Variants in CHRNE observed in about 807,000 individuals in gnomAD.
CHRNE encodes cholinergic receptor nicotinic epsilon subunit, also known as acetylcholine receptor subunit epsilon.
In CHRNE, 58 loss-of-function variants were observed where a neutral mutation model predicts 56.5. The observed-to-expected ratio is 1.03, with a 90% CI of 0.83 to 1.28. The LOEUF is 1.28. Among genes scored for constraint, CHRNE ranks in the 50% most tolerant of loss-of-function variants. The probability of loss-of-function intolerance (pLI) is 0.00; values close to 1 mark genes in which losing one functional copy is unlikely to be tolerated. For missense variants in CHRNE, 793 were observed against 688.9 expected (o/e 1.15, Z -1.69); for synonymous variants, 385 against 297.9 (o/e 1.29, Z -3.01).
Position 4,902,006 on chromosome 17 carries a change from G to T in CHRNE, c.426C>A (p.Ala142=). 3.1e-6 allele frequency: 5 copies of T among 1,614,096 alleles called. No individual in the cohort carries two copies. The highest frequency in any genetic ancestry group is 4.2e-6 in the Non-Finnish European group (5 of 1,180,024). Residue 142 remains alanine, a synonymous_variant, in exon 5 of 12, where the codon GCC becomes GCA. Transcript: ENST00000649488. The surrounding 1 kb of genome is among the most constrained non-coding windows in gnomAD (Gnocchi z 4.0). ...CCACTGCGCAGACGCTGCGGTAGAT[G>T]GCCGGAGGCAGCCACGTCACGGAGC... The part of the protein sequence containing the change: ...EGGSVTWLPP[A]IYRSVCAVEV...
chr17:4,898,699 C>T lies in CHRNE; in HGVS notation c.*37G>A, dbSNP rs2229199. 12,862 of 1,595,984 alleles carry T rather than the reference C, an allele frequency of 8.1e-3. 458 individuals carry two copies. The African/African-American group carries it at 0.11, about 13-fold the overall frequency. On this transcript the variant is annotated 3_prime_UTR_variant, in exon 12 of 12. Coordinates refer to ENST00000649488, the MANE Select transcript of CHRNE (RefSeq NM_000080.4). ...AGCCTACTTTTTCAAAATCAATTTCCTACTGGAGATGGGTGGGAAATTGAA... is the reference window on the plus strand; with the variant it reads ...AGCCTACTTTTTCAAAATCAATTTCTTACTGGAGATGGGTGGGAAATTGAA...
intron 5 of CHRNE, 48 bp downstream of exon 5, chr17:4,901,884 G>GT: frequency 2.0e-6 from 3 of 1,526,282 alleles, no homozygotes; most frequent in South Asian, 1.1e-5. Context: ...GCCCCATAAG[G>GT]CCCCCCCCCA....
rs770930061 is a variant in CHRNE, at chr17:4,902,587, T to C, written c.189+34A>G. 6.2e-7 allele frequency: 1 copy of C among 1,613,930 alleles called. No homozygotes were observed. Among genetic ancestry groups the C allele is most frequent in the Non-Finnish European group, 8.5e-7 (1 of 1,179,964 alleles). On this transcript the variant is annotated intron_variant, in intron 2 of 11. Transcript: ENST00000649488. The surrounding 1 kb of genome is among the most constrained non-coding windows in gnomAD (Gnocchi z 4.0). ...TCAGCGGTTGGGGCCAGAAGTGGGA[T>C]TTTTGGCTTAAGATGAGGGTGGGGG... is the stretch of plus-strand genomic sequence containing the variant.
At chr17:4,907,360 A>G (rs527637096), upstream of CHRNE, among the ~76,000 whole-genome samples, 13 of 151,064 alleles carry the variant, frequency 8.6e-5, no homozygotes, top group East Asian at 1.2e-3. Context: ...TCAGGAGATC[A>G]AGACCATCCT....
intron 8 of CHRNE, chr17:4,900,412 C>T (rs1463846171): frequency 1.9e-6 from 3 of 1,550,890 alleles, no homozygotes; most frequent in Non-Finnish European, 2.6e-6. Context: ...GTCCAGGGAG[C>T]ATGGCTATGC....
At position 4,899,123 on chromosome 17, in the gene CHRNE, C is replaced by T; in HGVS notation, c.1220-16G>A. 3 of 1,603,486 alleles carry T rather than the reference C, an allele frequency of 1.9e-6. No individual in the cohort carries two copies. The highest frequency in any genetic ancestry group is 1.7e-6 in the Non-Finnish European group (2 of 1,176,832). Reference sequence around the variant, plus strand: ...CAGAAGGCAGCTGGCGGGGAAAACACCGGGGTGGGCCTTAGGAGCCTCCCC... The same window carrying T: ...CAGAAGGCAGCTGGCGGGGAAAACATCGGGGTGGGCCTTAGGAGCCTCCCC... On this transcript the variant is annotated splice_polypyrimidine_tract_variant and intron_variant, in intron 10 of 11. Transcript: ENST00000649488.
upstream of CHRNE, among the ~76,000 whole-genome samples, chr17:4,904,180 T>A (rs1311211315): frequency 2.0e-5 from 3 of 151,862 alleles, no homozygotes; most frequent in Admixed American, 2.0e-4. Context: ...TTTTTCTGTT[T>A]CTTTTTTTGT....
chr17:4,900,672 C>T, intron 8 of CHRNE, 121 bp downstream of exon 8: 1 of 1,447,944 alleles, frequency 6.9e-7, no homozygotes, highest in East Asian at 2.5e-5. Flanking sequence ...CAGCCCCACC[C>T]AGCGTCCGAA....
intron 5 of CHRNE, 126 bp downstream of exon 5, chr17:4,901,806 G>T: frequency 7.0e-7 from 1 of 1,425,398 alleles, no homozygotes; most frequent in Non-Finnish European, 9.8e-7. Context: ...GTCCCACCCA[G>T]TGCCTACGCC....
rs771720016 is a variant in CHRNE, at chr17:4,902,146, C to A, written c.345-59G>T. 1.1e-5 allele frequency: 18 copies of A among 1,613,934 alleles called. No homozygotes were observed. Among genetic ancestry groups the A allele is most frequent in the Non-Finnish European group, 1.5e-5 (18 of 1,179,888 alleles). Reference sequence around the variant, plus strand: ...GGTCTGCACCCTCTCAGAGTACCCCCTTCCCCAACCAAGTCCAGCCCGCAC... The same window carrying A: ...GGTCTGCACCCTCTCAGAGTACCCCATTCCCCAACCAAGTCCAGCCCGCAC... On this transcript the variant is annotated intron_variant, in intron 4 of 11. Coordinates refer to ENST00000649488, the MANE Select transcript of CHRNE (RefSeq NM_000080.4). The surrounding 1 kb of genome is among the most constrained non-coding windows in gnomAD (Gnocchi z 4.0).
upstream of CHRNE, among the ~76,000 whole-genome samples, chr17:4,907,588 A>AAACAAAAAC (rs1970107743): frequency 6.6e-6 from 1 of 151,144 alleles, no homozygotes; most frequent in African/African-American, 2.4e-5. Flanking sequence ...AAAAAAAAAA[A>AAACAAAAAC]AACACTCTCA....
At position 4,902,059 on chromosome 17, in the gene CHRNE, C is replaced by T. The variant is rs1056080125; in HGVS notation, c.373G>A (p.Asp125Asn). 19 of 1,613,968 alleles carry T rather than the reference C, an allele frequency of 1.2e-5. No homozygotes were observed. The highest frequency in any genetic ancestry group is 1.6e-5 in the Non-Finnish European group (19 of 1,180,048). Reference sequence around the variant, plus strand: ...CCCTCGTAGACGAGCACGTTGGCGTCGTAGGCCACTCCGAACTGGCCATCA... The same window carrying T: ...CCCTCGTAGACGAGCACGTTGGCGTTGTAGGCCACTCCGAACTGGCCATCA... ...NIDGQFGVAY[D>N]ANVLVYEGGS... is the part of the protein sequence containing the mutation. The change falls in exon 5 of 12, where the codon GAC (aspartate) becomes AAC (asparagine). Residue 125 changes from aspartate to asparagine, a missense_variant. Asp to Asn is a conservative substitution (Grantham distance 23). Transcript: ENST00000649488. This position sits in a 1 kb window ranked among gnomAD's most constrained non-coding sequence, Gnocchi z 4.0.
chr17:4,898,633 T>C lies in CHRNE; in HGVS notation c.*103A>G. On this transcript the variant is annotated 3_prime_UTR_variant, in exon 12 of 12. Transcript: ENST00000649488. ...CTTGTGAAGTTCACAAACTGCAGATTGATCAGCAGGGGGAAGGGATCATAA... is the reference window on the plus strand; with the variant it reads ...CTTGTGAAGTTCACAAACTGCAGATCGATCAGCAGGGGGAAGGGATCATAA... The C allele has an allele frequency of 6.9e-7, 1 of 1,444,190 alleles. No individual in the cohort carries two copies. Among genetic ancestry groups the C allele is most frequent in the Non-Finnish European group, 9.4e-7 (1 of 1,060,538 alleles). The allele number at this position is 1,444,190 out of a possible 1,614,324, so 89.5% of individuals were successfully genotyped here. A position where few individuals can be genotyped will look rare whatever the true frequency, so the allele number is the denominator to read the frequency against.
rs150133823 is a variant in CHRNE, at chr17:4,901,066, G to A, written c.726C>T (p.Phe242=). 2.3e-5 allele frequency: 37 copies of A among 1,613,928 alleles called. No homozygotes were observed. Among genetic ancestry groups the A allele is most frequent in the Non-Finnish European group, 2.9e-5 (34 of 1,180,002 alleles). Residue 242 remains phenylalanine (F), a synonymous_variant, in exon 7 of 12, where the codon TTC becomes TTT. Coordinates refer to ENST00000649488, the MANE Select transcript of CHRNE (RefSeq NM_000080.4). Reference sequence around the variant, plus strand: ...AGGGCACGATGATGTTAATGACGTAGAAGAGCGGCTTCCGGCGGATGATGA... The same window carrying A: ...AGGGCACGATGATGTTAATGACGTAAAAGAGCGGCTTCCGGCGGATGATGA... The part of the protein sequence containing the change: ...YSLIIRRKPL[F]YVINIIVPCV...
upstream of CHRNE, among the ~76,000 whole-genome samples, chr17:4,906,498 C>A (rs753397725): frequency 3.9e-5 from 6 of 152,016 alleles, no homozygotes; most frequent in African/African-American, 1.2e-4. Flanking sequence ...GAAAAAAAAT[C>A]TAATAATCTG....
chr17:4,903,815 C>T (rs974136586), upstream of CHRNE, among the ~76,000 whole-genome samples: 5 of 152,178 alleles, frequency 3.3e-5, no homozygotes, highest in Admixed American at 3.3e-4. Context: ...CACACATACA[C>T]ACACACCTGA....
At chr17:4,900,467 G>A (rs2151096733) in intron 8 of CHRNE, 1 of 1,551,138 alleles carries the variant, frequency 6.4e-7, no homozygotes, top group Non-Finnish European at 8.7e-7. Context: ...TCCTGCGACA[G>A]TCGCAACAGC....
Position 4,900,867 on chromosome 17 carries a change from G to C in CHRNE, c.843C>G (p.Leu281=), listed in dbSNP as rs1221054751. 6.2e-7 allele frequency: 1 copy of C among 1,614,194 alleles called. No individual in the cohort carries two copies. Among genetic ancestry groups the C allele is most frequent in the African/African-American group, 1.3e-5 (1 of 75,062 alleles). ...QKCTVSINVL[L]AQTVFLFLIA... is the part of the protein sequence containing the mutation. ...TGAGGAACAAGAAGACGGTCTGGGC[G>C]AGCAGGACGTTGATGGAGACCGTGC... The change falls in exon 8 of 12, where the codon CTC becomes CTG. Residue 281 remains leucine (L), a synonymous_variant. Transcript: ENST00000649488.
At chr17:4,901,706 C>G in intron 5 of CHRNE, 81 bp from the exon 6 acceptor site, 2 of 1,423,240 alleles carry the variant, frequency 1.4e-6, no homozygotes, top group Non-Finnish European at 9.8e-7. Flanking sequence ...AAGCTGGGAT[C>G]TAGCGGGGCC....
Sources: gnomAD v4.1 joint callset for allele counts (sites outside exome capture counted in the v4.1 genomes callset) on GRCh38, gnomAD v4.1.1 for gene constraint, Gnocchi (gnomAD v3.1) non-coding constraint, MANE v1.5 for transcripts, NCBI Gene and HGNC (gene_info 2026-07-23, HGNC 2026-07-21) for gene names.